ACACA: variants seen among roughly 807,000 people sequenced by gnomAD.
ACACA encodes the protein acetyl-CoA carboxylase 1.
In ACACA, 103 loss-of-function variants were observed where a neutral mutation model predicts 296.1. That is an observed-to-expected ratio of 0.35 (90% CI 0.30 to 0.41). ACACA has a LOEUF of 0.41. Ranked by LOEUF, ACACA falls within the 10% of genes least tolerant of loss-of-function variation. ACACA has a pLI of 1.00. For synonymous variants in ACACA, 953 were observed against 1,038.6 expected (o/e 0.92, Z 1.58); for missense variants, 1,554 against 2,989.7 (o/e 0.52, Z 11.20).
At chr17:37,252,212 T>A (rs942917773) in intron 15 of ACACA, 104 bp from the exon 16 acceptor site, 2 of 891,038 alleles carry the variant, frequency 2.2e-6, no homozygotes, top group African/African-American at 3.3e-5. Flanking sequence ...CAGCTAGCAA[T>A]GAAAATCTCC....
chr17:37,381,731 C>T (rs1280254163), intron 1 of ACACA, among the ~76,000 whole-genome samples: 28 of 150,826 alleles, frequency 1.9e-4, no homozygotes, highest in African/African-American at 6.6e-4. Context: ...GGGTTCACGC[C>T]ATTCTCCTGC....
chr17:37,248,737 C>G, intron 16 of ACACA, 63 bp from the exon 17 acceptor site: 1 of 1,183,884 alleles, frequency 8.4e-7, no homozygotes, highest in Non-Finnish European at 1.3e-6. Context: ...GAATCTAAAA[C>G]ATTATTGATT....
At chr17:37,157,963 C>T (rs1349247494) in intron 42 of ACACA, among the ~76,000 whole-genome samples, 1 of 152,102 alleles carries the variant, frequency 6.6e-6, no homozygotes, top group Non-Finnish European at 1.5e-5. Context: ...ACTGCTACTG[C>T]TAGTAAGTAG....
chr17:37,387,713 T>G (rs1190098688), intron 1 of ACACA: 1 of 152,240 alleles, frequency 6.6e-6, no homozygotes, highest in Non-Finnish European at 1.5e-5. Flanking sequence ...CCCAAAGTGC[T>G]GGGATTACAG....
chr17:37,244,515 A>G, intron 21 of ACACA, 73 bp downstream of exon 21: 1 of 1,567,858 alleles, frequency 6.4e-7, no homozygotes, highest in Non-Finnish European at 8.8e-7. Flanking sequence ...AACAATCATT[A>G]TGAGACTTGG....
intron 42 of ACACA, among the ~76,000 whole-genome samples, chr17:37,159,173 G>A (rs2144361301): frequency 6.6e-6 from 1 of 150,944 alleles, no homozygotes; most frequent in East Asian, 1.9e-4. Context: ...GCTAGACCCT[G>A]TCTCTTAAAA....
chr17:37,384,914 CCT>C (rs994311591), intron 1 of ACACA, among the ~76,000 whole-genome samples: 2 of 152,118 alleles, frequency 1.3e-5, no homozygotes, highest in African/African-American at 4.8e-5. Flanking sequence ...AATTTATAGA[CCT>C]TAATTTAATA....
chr17:37,193,063 T>C (rs2077827572), intron 36 of ACACA, among the ~76,000 whole-genome samples: 1 of 152,176 alleles, frequency 6.6e-6, no homozygotes, highest in South Asian at 2.1e-4. Flanking sequence ...GAGTTGAGTA[T>C]CAGTGAACTA....
intron 45 of ACACA, among the ~76,000 whole-genome samples, chr17:37,145,391 A>C (rs2075769513): frequency 6.6e-6 from 1 of 152,186 alleles, no homozygotes; most frequent in Non-Finnish European, 1.5e-5. Context: ...GAGGCATTTT[A>C]AGGAATCTGT....
chr17:37,331,326 C>A (rs1310621929), intron 2 of ACACA, among the ~76,000 whole-genome samples: 1 of 151,870 alleles, frequency 6.6e-6, no homozygotes, highest in Non-Finnish European at 1.5e-5. Flanking sequence ...ACCGTGTTAG[C>A]CAGGATGGTC....
chr17:37,269,462 C>T (rs941410720), intron 10 of ACACA, among the ~76,000 whole-genome samples: 3 of 152,114 alleles, frequency 2.0e-5, no homozygotes, highest in Non-Finnish European at 4.4e-5. Context: ...CATTAGCCTA[C>T]AGTTGGGCAA....
At chr17:37,141,454 T>C (rs1264665522) in intron 45 of ACACA, 4 of 288,048 alleles carry the variant, frequency 1.4e-5, no homozygotes, top group African/African-American at 4.4e-5. Flanking sequence ...GTAGAGGGGG[T>C]CTTGCTTCTT....
rs2048302944 is a variant in ACACA, at chr17:37,339,830, G to T, written c.59C>A (p.Ser20Tyr). Residue 20 changes from serine (S) to tyrosine (Y), a missense_variant, in exon 2 of 56, where the codon TCT becomes TAT. Physicochemically the swap from Ser to Tyr is moderately radical, Grantham distance 144 (BLOSUM62 -2). This residue lies in a region of ACACA where 140 missense variants were observed against 147.7 expected (regional missense o/e 0.95). Coordinates refer to ENST00000616317, the MANE Select transcript of ACACA (RefSeq NM_198834.3). ...TCTTATAATTCTTACTGTCTGAGTA[G>T]ATATCCACTTCCAAAAAGACCTAGA... Reference protein sequence around the residue: ...LRARSFWKWISTQTVRIIRAV... With the variant: ...LRARSFWKWIYTQTVRIIRAV... 7.3e-7 allele frequency: 1 copy of T among 1,375,812 alleles called. No homozygotes were observed. The highest frequency in any genetic ancestry group is 1.0e-6 in the Non-Finnish European group (1 of 973,982). The allele number at this position is 1,375,812 out of a possible 1,614,324, so 85.2% of individuals were successfully genotyped here.
At chr17:37,087,970 T>C (rs2072331701) in intron 55 of ACACA, among the ~76,000 whole-genome samples, 1 of 152,134 alleles carries the variant, frequency 6.6e-6, no homozygotes, top group African/African-American at 2.4e-5. Context: ...GACTACTTAT[T>C]AGGTGCAAGG....
At chr17:37,182,686 G>T (rs1321922665) in intron 39 of ACACA, among the ~76,000 whole-genome samples, 1 of 152,074 alleles carries the variant, frequency 6.6e-6, no homozygotes, top group South Asian at 2.1e-4. Context: ...GGGATGTAAG[G>T]GTATGTGTAT....
chr17:37,204,916 T>C (rs140967815), intron 33 of ACACA, among the ~76,000 whole-genome samples: 55 of 152,312 alleles, frequency 3.6e-4, no homozygotes, highest in Non-Finnish European at 6.3e-4. Context: ...CATTTAATTT[T>C]GTGGTGATGA....
chr17:37,174,275 G>A (rs74364847), intron 41 of ACACA, among the ~76,000 whole-genome samples: 3,095 of 149,294 alleles, frequency 0.021, 110 homozygotes, highest in African/African-American at 0.072. Context: ...TTCAACCAAA[G>A]AGTTAAAATT....
intron 1 of ACACA, among the ~76,000 whole-genome samples, chr17:37,384,684 A>G (rs1747477924): frequency 6.6e-6 from 1 of 152,318 alleles, no homozygotes; most frequent in South Asian, 2.1e-4. Flanking sequence ...ACTATGATGA[A>G]AATGTTCTTG....
intron 1 of ACACA, among the ~76,000 whole-genome samples, chr17:37,357,425 G>A (rs1306350446): frequency 2.0e-5 from 3 of 152,086 alleles, no homozygotes; most frequent in African/African-American, 7.2e-5. Flanking sequence ...ACCAGGAGAC[G>A]AAGGTTGCAG....
Sources: allele counts gnomAD v4.1 joint callset (sites outside exome capture counted in the v4.1 genomes callset), GRCh38; gene constraint gnomAD v4.1.1; regional missense constraint gnomAD v4.1.1; transcripts MANE v1.5; gene names NCBI Gene and HGNC (gene_info 2026-07-23, HGNC 2026-07-21).